ABLIM3: variants seen among roughly 807,000 people sequenced by gnomAD.
ABLIM3 encodes the protein actin-binding LIM protein 3.
A neutral mutation model predicts 109.5 loss-of-function variants in ABLIM3; 61 were observed. That is an observed-to-expected ratio of 0.56 (90% confidence interval 0.45 to 0.69). The LOEUF (loss-of-function observed/expected upper bound fraction) is 0.69. Among genes scored for constraint, ABLIM3 ranks in the 30% least tolerant of loss-of-function variants. ABLIM3 has a pLI of 0.00. For missense variants in ABLIM3, 796 were observed against 889.5 expected (o/e 0.89, Z 1.34); for synonymous variants, 300 against 324.8 (o/e 0.92, Z 0.82).
chr5:149,215,522 TA>T (rs11327906), intron 7 of ABLIM3, among the ~76,000 whole-genome samples: 131,824 of 146,260 alleles, frequency 0.9, 59,466 homozygotes, highest in African/African-American at 0.98. Context: ...TCCCCCCACA[TA>T]AAAAAAAAAA....
At chr5:149,247,551 C>G in intron 17 of ABLIM3, 1 of 689,842 alleles carries the variant, frequency 1.4e-6, no homozygotes, top group Non-Finnish European at 2.6e-6. Flanking sequence ...GCCAGGCTTG[C>G]TTTTTTGTGC....
At chr5:149,183,949 T>C (rs958540493) in intron 3 of ABLIM3, among the ~76,000 whole-genome samples, 3 of 148,610 alleles carry the variant, frequency 2.0e-5, no homozygotes, top group Non-Finnish European at 3.0e-5. Context: ...GATAGTTTTT[T>C]TTGTTTGTTT....
At chr5:149,155,331 C>T (rs1384369344) in intron 2 of ABLIM3, among the ~76,000 whole-genome samples, 1 of 152,184 alleles carries the variant, frequency 6.6e-6, no homozygotes, top group African/African-American at 2.4e-5. Flanking sequence ...CGCTGTGAGA[C>T]AGTGACATTC....
At chr5:149,238,771 C>T (rs1035376705) in intron 11 of ABLIM3, among the ~76,000 whole-genome samples, 4 of 152,238 alleles carry the variant, frequency 2.6e-5, no homozygotes, top group Admixed American at 6.5e-5. Context: ...AGCTGCTGCA[C>T]CAGCCACCAG....
chr5:149,206,794 C>G (rs941525907), intron 5 of ABLIM3, among the ~76,000 whole-genome samples: 4 of 152,024 alleles, frequency 2.6e-5, no homozygotes, highest in African/African-American at 7.2e-5. Flanking sequence ...GGAGGTCTTT[C>G]TTTCTCTCCT....
In ABLIM3 at chr5:149,183,616, T is replaced by C. The variant is rs1406990215; in HGVS notation, c.151+27T>C. 3 of 1,499,688 alleles carry C rather than the reference T, an allele frequency of 2.0e-6. No homozygotes were observed. The Admixed American group carries it at 6.8e-5, about 34-fold the overall frequency. The allele number at this position is 1,499,688 out of a possible 1,614,324, so 92.9% of individuals were successfully genotyped here. A position where few individuals can be genotyped will look rare whatever the true frequency, so the allele number is the denominator to read the frequency against. Reference sequence around the variant, plus strand: ...TAGGAGGCTCAGCTCCCCCACTCTCTTCTTAGATTCCTGACCATTCTTGCA... The same window carrying C: ...TAGGAGGCTCAGCTCCCCCACTCTCCTCTTAGATTCCTGACCATTCTTGCA... On this transcript the variant is annotated intron_variant, in intron 3 of 23. Coordinates refer to ENST00000309868, the MANE Select transcript of ABLIM3 (RefSeq NM_014945.5).
At chr5:149,207,267 C>A in intron 6 of ABLIM3, 133 bp downstream of exon 6, 1 of 1,348,022 alleles carries the variant, frequency 7.4e-7, no homozygotes, top group African/African-American at 1.5e-5. Context: ...GGCCAAACAG[C>A]ATCTTTCCCA....
chr5:149,255,924 T>C (rs963544456), intron 23 of ABLIM3, among the ~76,000 whole-genome samples: 2 of 152,196 alleles, frequency 1.3e-5, no homozygotes, highest in Non-Finnish European at 2.9e-5. Flanking sequence ...CCTCATGGTA[T>C]TCATGGTGGA....
rs117072611 is a variant in ABLIM3, at chr5:149,238,009, C to T, written c.1044+406C>T. The stretch of plus-strand genomic sequence containing the variant: ...GTACTCAGCCCAAGGCGCTCATCTC[C>T]TGCCAGGCTCAGTGGCCATTTAGAT... On this transcript the variant is annotated intron_variant, in intron 11 of 23. Coordinates refer to ENST00000309868, the MANE Select transcript of ABLIM3 (RefSeq NM_014945.5). Among the ~76,000 whole-genome samples the T allele has an allele frequency of 1.3e-3, 203 of 152,314 alleles. 2 individuals are homozygous for T. The East Asian group carries it at 0.03, about 23-fold the overall frequency.
At chr5:149,149,501 C>T (rs188499172) in intron 2 of ABLIM3, among the ~76,000 whole-genome samples, 185 of 152,168 alleles carry the variant, frequency 1.2e-3, no homozygotes, top group African/African-American at 4.0e-3. Flanking sequence ...TCATAGCTCC[C>T]GGGAAGCCTA....
intron 17 of ABLIM3, among the ~76,000 whole-genome samples, chr5:149,247,365 C>T (rs959708006): frequency 2.6e-5 from 4 of 152,082 alleles, no homozygotes; most frequent in Admixed American, 1.3e-4. Flanking sequence ...TATTTTGAAA[C>T]GAGATAGAGG....
Position 149,216,969 on chromosome 5 carries a change from A to C in ABLIM3, c.680A>C (p.Lys227Thr). Reference protein sequence around the residue: ...ISGRVLEAGGKHYHPTCARCV... With the variant: ...ISGRVLEAGGTHYHPTCARCV... Reference sequence around the variant, plus strand: ...TTTTCATTTCCATAGGCAGGAGGGAAGCACTACCACCCAACCTGTGCCAGG... The same window carrying C: ...TTTTCATTTCCATAGGCAGGAGGGACGCACTACCACCCAACCTGTGCCAGG... Residue 227 changes from lysine (K) to threonine (T), a missense_variant, in exon 8 of 24, where the codon AAG becomes ACG. By Grantham distance (78) the Lys-to-Thr change is moderately conservative. Transcript: ENST00000309868. 1 of 1,614,112 alleles carries C rather than the reference A, an allele frequency of 6.2e-7. No individual in the cohort carries two copies. The highest frequency in any genetic ancestry group is 8.5e-7 in the Non-Finnish European group (1 of 1,179,982).
intron 15 of ABLIM3, chr5:149,243,818 G>A (rs1753086988): frequency 6.6e-6 from 1 of 152,256 alleles, no homozygotes; most frequent in African/African-American, 2.4e-5. Context: ...CACTAAAGCA[G>A]ACTCAAGAGG....
Position 149,252,743 on chromosome 5 carries a change from C to T in ABLIM3, c.1858-14C>T, listed in dbSNP as rs746495689. The stretch of plus-strand genomic sequence containing the variant: ...CCCTCACCCAAGCTGGAGACCACCC[C>T]CCTTTCTCCTTAGATCTACCCTTAT... On this transcript the variant is annotated splice_polypyrimidine_tract_variant and intron_variant, in intron 22 of 23. Coordinates refer to ENST00000309868, the MANE Select transcript of ABLIM3 (RefSeq NM_014945.5). 15 of 1,609,708 alleles carry T rather than the reference C, an allele frequency of 9.3e-6. No homozygotes were observed. Among genetic ancestry groups the T allele is most frequent in the Admixed American group, 6.7e-5 (4 of 59,922 alleles).
intron 2 of ABLIM3, among the ~76,000 whole-genome samples, chr5:149,169,002 A>G (rs1402259771): frequency 6.9e-6 from 1 of 144,606 alleles, no homozygotes; most frequent in Non-Finnish European, 1.5e-5. Context: ...AGCAGGTGAT[A>G]CCACTTTGAG....
At chr5:149,228,107 A>T (rs1561610641) in intron 8 of ABLIM3, among the ~76,000 whole-genome samples, 2 of 152,214 alleles carry the variant, frequency 1.3e-5, no homozygotes, top group African/African-American at 2.4e-5. Context: ...ACTGCTGAGC[A>T]TTTATATACC....
At chr5:149,254,455 T>C (rs1413624082) in intron 23 of ABLIM3, among the ~76,000 whole-genome samples, 6 of 152,074 alleles carry the variant, frequency 3.9e-5, no homozygotes, top group African/African-American at 1.4e-4. Flanking sequence ...CTGGGAGAGG[T>C]GTCAGAAAAC....
chr5:149,208,974 G>A (rs963394410), intron 6 of ABLIM3, among the ~76,000 whole-genome samples: 1 of 152,194 alleles, frequency 6.6e-6, no homozygotes, highest in Non-Finnish European at 1.5e-5. Flanking sequence ...CCTGGGCAAG[G>A]CCAGGGCAGT....
At chr5:149,231,901 G>T (rs1298551751) in intron 9 of ABLIM3, among the ~76,000 whole-genome samples, 1 of 152,140 alleles carries the variant, frequency 6.6e-6, no homozygotes, top group African/African-American at 2.4e-5. Flanking sequence ...AGTAATACTT[G>T]CTATAAATAG....
Sources: gnomAD v4.1 joint callset for allele counts (sites outside exome capture counted in the v4.1 genomes callset) on GRCh38, gnomAD v4.1.1 for gene constraint, MANE v1.5 for transcripts, NCBI Gene and HGNC (gene_info 2026-07-23, HGNC 2026-07-21) for gene names.